Variants in CHD6 observed in about 807,000 individuals in gnomAD.
CHD6 encodes chromodomain helicase DNA binding protein 6.
A neutral mutation model predicts 276.9 loss-of-function variants in CHD6; 50 were observed. The ratio of observed to expected loss-of-function variants is 0.18; its 90% CI spans 0.14 to 0.23. CHD6 has a LOEUF of 0.23. CHD6 is among the 10% of genes least tolerant of loss of function. The pLI, the probability that CHD6 is intolerant of heterozygous loss-of-function variation, is 1.00. For missense variants in CHD6, 2,564 were observed against 3,365.8 expected, an observed-to-expected ratio of 0.76 and a Z score of 5.89; for synonymous variants, 1,173 against 1,229.3, an observed-to-expected ratio of 0.95 and a Z score of 0.96.
chr20:41,555,562 C>T (rs1401646875), intron 1 of CHD6, among the ~76,000 whole-genome samples: 26 of 151,466 alleles, frequency 1.7e-4, no homozygotes, highest in Non-Finnish European at 3.5e-4. Context: ...GGAGGGTCTC[C>T]TCACTTCTCA....
chr20:41,463,828 T>C (rs186476489), intron 17 of CHD6, among the ~76,000 whole-genome samples: 1 of 152,302 alleles, frequency 6.6e-6, no homozygotes, highest in East Asian at 1.9e-4. Context: ...GATTGGAGAA[T>C]AGTATTTTTA....
intron 17 of CHD6, among the ~76,000 whole-genome samples, chr20:41,458,630 G>A (rs189258004): frequency 3.5e-4 from 53 of 152,250 alleles, no homozygotes; most frequent in African/African-American, 1.3e-3. Context: ...GTATGGATAT[G>A]TGTACATTTA....
intron 23 of CHD6, among the ~76,000 whole-genome samples, chr20:41,450,579 A>C (rs1314798322): frequency 6.6e-6 from 1 of 152,180 alleles, no homozygotes; most frequent in Admixed American, 6.5e-5. Flanking sequence ...GCAACAGCAA[A>C]CTGGAAGAGG....
chr20:41,481,448 TAACA>T (rs1268466053), intron 16 of CHD6, among the ~76,000 whole-genome samples: 1 of 151,680 alleles, frequency 6.6e-6, no homozygotes, highest in African/African-American at 2.4e-5. Flanking sequence ...GAAATATAAA[TAACA>T]AATATGAAAA....
At chr20:41,456,099 G>A (rs1235309039) in intron 18 of CHD6, 120 bp from the exon 19 acceptor site, 3 of 943,542 alleles carry the variant, frequency 3.2e-6, no homozygotes, top group Non-Finnish European at 4.5e-6. Context: ...TAGAACAAAG[G>A]ACGTGGGCAA....
chr20:41,515,410 C>G (rs1040019792), intron 3 of CHD6, among the ~76,000 whole-genome samples: 10 of 152,162 alleles, frequency 6.6e-5, no homozygotes, highest in Non-Finnish European at 1.5e-4. Context: ...AACACTGCCT[C>G]TGCCCTTGAC....
chr20:41,542,497 C>G (rs1405927065), intron 2 of CHD6, among the ~76,000 whole-genome samples: 1 of 151,842 alleles, frequency 6.6e-6, no homozygotes, highest in African/African-American at 2.4e-5. Flanking sequence ...TCGAGACCAT[C>G]CTGGCTAACA....
At chr20:41,480,142 A>C (rs1339498005) in intron 16 of CHD6, among the ~76,000 whole-genome samples, 1 of 152,228 alleles carries the variant, frequency 6.6e-6, no homozygotes, top group Non-Finnish European at 1.5e-5. Context: ...GAGGTGCTCC[A>C]ACATGGAATC....
At chr20:41,519,052 C>T (rs967804026) in intron 3 of CHD6, among the ~76,000 whole-genome samples, 21 of 152,122 alleles carry the variant, frequency 1.4e-4, no homozygotes, top group Non-Finnish European at 2.2e-4. Flanking sequence ...GAGGCCCAGG[C>T]AGGCAGACTG....
intron 36 of CHD6, among the ~76,000 whole-genome samples, chr20:41,411,044 A>G (rs975559179): frequency 6.6e-6 from 1 of 152,146 alleles, no homozygotes; most frequent in African/African-American, 2.4e-5. Context: ...AGTCCTAAGA[A>G]AAGGGTAGAA....
At chr20:41,416,022 G>A (rs140860448) in intron 33 of CHD6, among the ~76,000 whole-genome samples, 4 of 152,148 alleles carry the variant, frequency 2.6e-5, no homozygotes, top group African/African-American at 7.2e-5. Flanking sequence ...AGTCAGCATC[G>A]TTAGCTTGTC....
At chr20:41,602,103 G>A (rs6072442) in intron 1 of CHD6, among the ~76,000 whole-genome samples, 1 of 151,948 alleles carries the variant, frequency 6.6e-6, no homozygotes, top group East Asian at 1.9e-4. Flanking sequence ...TTTCATTTCC[G>A]TGGTGCTCTA....
chr20:41,516,917 T>C (rs1452078684), intron 3 of CHD6, among the ~76,000 whole-genome samples: 1 of 152,156 alleles, frequency 6.6e-6, no homozygotes, highest in African/African-American at 2.4e-5. Flanking sequence ...ACACTGGTAC[T>C]TCCCATCAGG....
chr20:41,494,450 T>C (rs2043629238), intron 8 of CHD6, among the ~76,000 whole-genome samples: 2 of 152,182 alleles, frequency 1.3e-5, no homozygotes, highest in South Asian at 4.1e-4. Context: ...CACACTATGC[T>C]TCAAAAAAAG....
chr20:41,502,647 C>A (rs1197185716), intron 5 of CHD6, among the ~76,000 whole-genome samples: 1 of 152,124 alleles, frequency 6.6e-6, no homozygotes, highest in Non-Finnish European at 1.5e-5. Flanking sequence ...GAATTTCCAC[C>A]AATTAAAAAA....
intron 1 of CHD6, among the ~76,000 whole-genome samples, chr20:41,589,672 T>A (rs192868609): frequency 1.3e-5 from 2 of 152,284 alleles, no homozygotes; most frequent in East Asian, 3.9e-4. Context: ...GAATGTGAAG[T>A]ACCTCTTCAA....
At chr20:41,585,263 G>A (rs1200808240) in intron 1 of CHD6, among the ~76,000 whole-genome samples, 1 of 152,128 alleles carries the variant, frequency 6.6e-6, no homozygotes, top group African/African-American at 2.4e-5. Flanking sequence ...CAGCACTTTG[G>A]GAGGCCGAGG....
chr20:41,430,050 C>G (rs1479495026), intron 27 of CHD6, among the ~76,000 whole-genome samples: 1 of 152,214 alleles, frequency 6.6e-6, no homozygotes, highest in Non-Finnish European at 1.5e-5. Context: ...AACACCCAAA[C>G]AGTGTCTTCA....
intron 1 of CHD6, among the ~76,000 whole-genome samples, chr20:41,595,867 G>T (rs2045712311): frequency 6.6e-6 from 1 of 151,680 alleles, no homozygotes; most frequent in Admixed American, 6.6e-5. Context: ...ATATGTCAAT[G>T]ACAAAAGTCC....
Sources: allele counts gnomAD v4.1 joint callset (sites outside exome capture counted in the v4.1 genomes callset), GRCh38; gene constraint gnomAD v4.1.1; transcripts MANE v1.5; gene names NCBI Gene and HGNC (gene_info 2026-07-23, HGNC 2026-07-21).